SH3RF1: variants seen among roughly 807,000 people sequenced by gnomAD.
The protein encoded by SH3RF1 is E3 ubiquitin-protein ligase SH3RF1.
A neutral mutation model predicts 74.0 loss-of-function variants in SH3RF1; 32 were observed. The ratio of observed to expected loss-of-function variants is 0.43; its 90% CI spans 0.33 to 0.58. The LOEUF (loss-of-function observed/expected upper bound fraction) is 0.58. SH3RF1 is among the 20% of genes least tolerant of loss of function. SH3RF1 has a pLI of 0.05. For missense variants in SH3RF1, 954 were observed against 1,130.9 expected, an observed-to-expected ratio of 0.84 and a Z score of 2.24; for synonymous variants, 396 against 439.6, an observed-to-expected ratio of 0.90 and a Z score of 1.24.
intron 2 of SH3RF1, among the ~76,000 whole-genome samples, chr4:169,184,394 G>A (rs975910573): frequency 6.6e-6 from 1 of 152,198 alleles, no homozygotes; most frequent in Non-Finnish European, 1.5e-5. Context: ...AGATGGCAGG[G>A]CCATGAAGCA....
At chr4:169,151,013 T>C (rs1733968030) in intron 4 of SH3RF1, among the ~76,000 whole-genome samples, 2 of 152,184 alleles carry the variant, frequency 1.3e-5, no homozygotes, top group Admixed American at 1.3e-4. Flanking sequence ...AATGATAAGA[T>C]ATACACATAG....
At chr4:169,148,593 G>A (rs139200386) in intron 4 of SH3RF1, among the ~76,000 whole-genome samples, 1,622 of 152,180 alleles carry the variant, frequency 0.011, 12 homozygotes, top group Non-Finnish European at 0.014. Flanking sequence ...CTTTACATAA[G>A]ATATGGCTCT....
At chr4:169,223,149 G>A (rs1730595661) in intron 2 of SH3RF1, among the ~76,000 whole-genome samples, 1 of 152,184 alleles carries the variant, frequency 6.6e-6, no homozygotes, top group Admixed American at 6.5e-5. Flanking sequence ...AGATATAAAA[G>A]AACATCTATT....
chr4:169,228,104 C>T (rs1730678668), intron 2 of SH3RF1, among the ~76,000 whole-genome samples: 1 of 152,158 alleles, frequency 6.6e-6, no homozygotes, highest in Non-Finnish European at 1.5e-5. Flanking sequence ...AGTGAGCAGA[C>T]CATCATTGAA....
intron 11 of SH3RF1, among the ~76,000 whole-genome samples, chr4:169,099,441 A>G (rs1348042113): frequency 6.6e-6 from 1 of 152,250 alleles, no homozygotes; most frequent in Non-Finnish European, 1.5e-5. Context: ...TTTATCTGAA[A>G]GAAGGATCCA....
At chr4:169,144,088 T>C (rs1733830903) in intron 4 of SH3RF1, among the ~76,000 whole-genome samples, 1 of 152,222 alleles carries the variant, frequency 6.6e-6, no homozygotes, top group Admixed American at 6.5e-5. Context: ...TTTCCCTAGC[T>C]GTACAAAATG....
Position 169,186,850 on chromosome 4 carries a change from C to CA in SH3RF1, c.394-30172dup, listed in dbSNP as rs759258833. Reference sequence around the variant, plus strand: ...TGAAACCCCATCTCTACTAAAAATACAAAAAAAAAAAAAATTAGCGGGGCG... The same window carrying CA: ...TGAAACCCCATCTCTACTAAAAATACAAAAAAAAAAAAAAATTAGCGGGGCG... On this transcript the variant is annotated intron_variant, in intron 2 of 11. Coordinates refer to ENST00000284637, the MANE Select transcript of SH3RF1 (RefSeq NM_020870.4). Among the ~76,000 whole-genome samples, 853 of 131,798 alleles carry CA rather than the reference C, an allele frequency of 6.5e-3. 6 individuals carry two copies. Among genetic ancestry groups the CA allele is most frequent in the South Asian group, 0.031 (123 of 4,006 alleles). The allele number at this position is 131,798 out of a possible 152,430, so 86.5% of individuals were successfully genotyped here.
chr4:169,179,394 A>C (rs2126977828), intron 2 of SH3RF1, among the ~76,000 whole-genome samples: 1 of 152,354 alleles, frequency 6.6e-6, no homozygotes, highest in South Asian at 2.1e-4. Flanking sequence ...GACCTACAAA[A>C]GTATAAGTTA....
chr4:169,170,448 A>G (rs1313830907), intron 2 of SH3RF1, among the ~76,000 whole-genome samples: 1 of 152,220 alleles, frequency 6.6e-6, no homozygotes, highest in Non-Finnish European at 1.5e-5. Flanking sequence ...TAATCGGAAT[A>G]CTTTTGGTCA....
At chr4:169,143,105 GT>G (rs1733813010) in intron 4 of SH3RF1, among the ~76,000 whole-genome samples, 1 of 152,144 alleles carries the variant, frequency 6.6e-6, no homozygotes, top group Non-Finnish European at 1.5e-5. Context: ...GAATAAAAAT[GT>G]TTGTCTCTTA....
intron 2 of SH3RF1, among the ~76,000 whole-genome samples, chr4:169,202,635 C>A (rs1391746783): frequency 6.6e-6 from 1 of 152,130 alleles, no homozygotes; most frequent in Non-Finnish European, 1.5e-5. Flanking sequence ...CTTCAGAAAC[C>A]AAAGCATCAG....
intron 2 of SH3RF1, among the ~76,000 whole-genome samples, chr4:169,235,035 T>A (rs1338207212): frequency 6.6e-6 from 1 of 152,192 alleles, no homozygotes; most frequent in Non-Finnish European, 1.5e-5. Context: ...TTTTTTAAAA[T>A]CAACTTCTAA....
chr4:169,232,587 G>A (rs755722459), intron 2 of SH3RF1, among the ~76,000 whole-genome samples: 1 of 152,054 alleles, frequency 6.6e-6, no homozygotes, highest in Non-Finnish European at 1.5e-5. Context: ...ACAAACTTTG[G>A]TCACATCCTA....
At position 169,120,996 on chromosome 4, in the gene SH3RF1, T is replaced by G; in HGVS notation, c.1347-7A>C. 2 of 1,607,364 alleles carry G rather than the reference T, an allele frequency of 1.2e-6. No individual in the cohort carries two copies. Among genetic ancestry groups the G allele is most frequent in the Non-Finnish European group, 1.7e-6 (2 of 1,174,062 alleles). On this transcript the variant is annotated splice_polypyrimidine_tract_variant and splice_region_variant and intron_variant, in intron 7 of 11. Coordinates refer to ENST00000284637, the MANE Select transcript of SH3RF1 (RefSeq NM_020870.4). The stretch of plus-strand genomic sequence containing the variant: ...TGGATATATAGCAACATACCTAGAA[T>G]AGAAAATAATATTTGATTTCAGGTT...
At chr4:169,246,727 A>G (rs1047403697) in intron 2 of SH3RF1, among the ~76,000 whole-genome samples, 3 of 152,254 alleles carry the variant, frequency 2.0e-5, no homozygotes, top group African/African-American at 7.2e-5. Flanking sequence ...TTAATTTTTC[A>G]ACTTTTATTT....
intron 5 of SH3RF1, among the ~76,000 whole-genome samples, chr4:169,132,022 C>T (rs10012741): frequency 0.2 from 30,486 of 152,202 alleles, 3,210 homozygotes; most frequent in African/African-American, 0.26. Context: ...GCCCTTGAGC[C>T]GCTGCTCGGG....
intron 10 of SH3RF1, among the ~76,000 whole-genome samples, chr4:169,108,806 C>T (rs1350759229): frequency 5.9e-5 from 9 of 152,188 alleles, no homozygotes; most frequent in Non-Finnish European, 1.3e-4. Flanking sequence ...GCTGTATATA[C>T]CTCTCTATCT....
intron 2 of SH3RF1, among the ~76,000 whole-genome samples, chr4:169,194,151 T>C (rs1579130387): frequency 2.6e-5 from 4 of 152,308 alleles, no homozygotes; most frequent in East Asian, 1.9e-4. Flanking sequence ...AGTCGTCATC[T>C]AAAAATTTTT....
intron 5 of SH3RF1, among the ~76,000 whole-genome samples, chr4:169,134,809 T>C (rs1389645817): frequency 6.6e-6 from 1 of 152,218 alleles, no homozygotes; most frequent in Admixed American, 6.5e-5. Flanking sequence ...ACATGTTGAG[T>C]GCTTTCTGCA....
Sources: allele counts gnomAD v4.1 joint callset (sites outside exome capture counted in the v4.1 genomes callset), GRCh38; gene constraint gnomAD v4.1.1; transcripts MANE v1.5; gene names NCBI Gene and HGNC (gene_info 2026-07-23, HGNC 2026-07-21).